Variants in KCNU1 observed in about 807,000 individuals in gnomAD.
KCNU1 encodes potassium calcium-activated channel subfamily U member 1.
Under a neutral mutation model 126.8 loss-of-function variants are expected in KCNU1, and 93 were observed. That is an observed-to-expected ratio of 0.73 (90% CI 0.62 to 0.87). KCNU1 has a LOEUF of 0.87. Ranked by LOEUF, KCNU1 falls within the 40% of genes least tolerant of loss-of-function variation. KCNU1 has a pLI of 0.00. For synonymous variants in KCNU1, 523 were observed against 494.2 expected (o/e 1.06, Z -0.77); for missense variants, 1,330 against 1,367.1 (o/e 0.97, Z 0.43).
chr8:36,808,925 C>T, intron 7 of KCNU1, 132 bp downstream of exon 7: 2 of 626,428 alleles, frequency 3.2e-6, no homozygotes, highest in Admixed American at 5.9e-5. Context: ...TTCTACTTCC[C>T]ATTTTCAGGT....
rs202006761 is a variant in KCNU1, at chr8:36,922,600, G to A, written c.2707G>A (p.Gly903Ser). 4.8e-5 allele frequency: 78 copies of A among 1,613,086 alleles called. No individual in the cohort carries two copies. Among genetic ancestry groups the A allele is most frequent in the East Asian group, 2.9e-4 (13 of 44,812 alleles). ...CTTTTCTACGGGCACTGTTTTTTCC[G>A]GCAGCTTCTTGGATTCTCTGCTGGC... ...TAFSTGTVFS[G>S]SFLDSLLATA... Residue 903 changes from glycine (G) to serine (S), a missense_variant, in exon 24 of 27, where the codon GGC becomes AGC. Gly to Ser is a moderately conservative substitution (Grantham distance 56, BLOSUM62 0). Around this residue, in one of 3 missense-constraint regions of KCNU1, gnomAD observed 1,054 missense variants for 1,053.9 expected, o/e 1.00. Coordinates refer to ENST00000399881, the MANE Select transcript of KCNU1 (RefSeq NM_001031836.3).
At chr8:36,814,493 C>A in intron 8 of KCNU1, 116 bp downstream of exon 8, 1 of 739,894 alleles carries the variant, frequency 1.4e-6, no homozygotes, top group South Asian at 1.8e-5. Flanking sequence ...ACTTGGGGCA[C>A]ATGTCAAGGG....
intron 10 of KCNU1, among the ~76,000 whole-genome samples, chr8:36,828,540 T>C (rs530132382): frequency 1.7e-4 from 26 of 152,250 alleles, no homozygotes; most frequent in African/African-American, 6.0e-4. Flanking sequence ...TGGGGCTTTA[T>C]TCAGTTTATA....
chr8:36,889,416 G>C (rs1401868187), intron 19 of KCNU1: 2 of 339,258 alleles, frequency 5.9e-6, no homozygotes, highest in African/African-American at 4.3e-5. Flanking sequence ...ATGTCATCTT[G>C]AGCTTTTTAA....
chr8:36,872,451 G>A (rs937300064), intron 19 of KCNU1, among the ~76,000 whole-genome samples: 1 of 152,138 alleles, frequency 6.6e-6, no homozygotes. Flanking sequence ...TATGGTGGGG[G>A]CTCCAGCAGT....
intron 10 of KCNU1, among the ~76,000 whole-genome samples, chr8:36,821,848 C>G (rs928679521): frequency 6.6e-6 from 1 of 151,990 alleles, no homozygotes; most frequent in Admixed American, 6.6e-5. Context: ...TATAAATAGG[C>G]TTTGTGTTAG....
At chr8:36,932,787 G>GCCAC (rs1308505323) in intron 25 of KCNU1, 133 bp from the exon 26 acceptor site, 2 of 622,192 alleles carry the variant, frequency 3.2e-6, no homozygotes, top group Non-Finnish European at 5.8e-6. Context: ...CCCTGGCAGT[G>GCCAC]CCACCACAAA....
chr8:36,831,303 T>A (rs1329866533), intron 10 of KCNU1, among the ~76,000 whole-genome samples: 7 of 152,112 alleles, frequency 4.6e-5, no homozygotes, highest in Admixed American at 3.9e-4. Context: ...CAAGTGGTAT[T>A]TCTAGTTCTA....
At chr8:36,926,259 A>G (rs1808528394) in intron 24 of KCNU1, among the ~76,000 whole-genome samples, 1 of 152,142 alleles carries the variant, frequency 6.6e-6, no homozygotes, top group South Asian at 2.1e-4. Flanking sequence ...ATGTGATCCT[A>G]GAGTCATTCC....
chr8:36,813,878 C>T (rs539371781), intron 7 of KCNU1, among the ~76,000 whole-genome samples: 4 of 151,978 alleles, frequency 2.6e-5, no homozygotes, highest in Admixed American at 6.6e-5. Context: ...CTTTGGAGTA[C>T]CCTGGCTCCA....
intron 18 of KCNU1, among the ~76,000 whole-genome samples, chr8:36,848,570 T>C (rs905376432): frequency 2.0e-5 from 3 of 152,202 alleles, no homozygotes; most frequent in East Asian, 1.9e-4. Context: ...TGGCACTTCA[T>C]TGGCCTAACG....
intron 19 of KCNU1, among the ~76,000 whole-genome samples, chr8:36,884,775 G>C (rs903320277): frequency 6.6e-6 from 1 of 150,918 alleles, no homozygotes; most frequent in African/African-American, 2.4e-5. Flanking sequence ...ATAAAAACCA[G>C]GAAAAAAAAA....
At chr8:36,905,850 C>T (rs752223225) in intron 20 of KCNU1, 46 bp downstream of exon 20, 6 of 899,232 alleles carry the variant, frequency 6.7e-6, no homozygotes, top group African/African-American at 5.1e-5. Context: ...TAAAGCATTT[C>T]GTAGGGTAAG....
At chr8:36,850,294 A>G (rs1805294035) in intron 18 of KCNU1, among the ~76,000 whole-genome samples, 1 of 152,082 alleles carries the variant, frequency 6.6e-6, no homozygotes, top group Non-Finnish European at 1.5e-5. Context: ...TTGAATCACA[A>G]AATTGTTTAG....
intron 22 of KCNU1, among the ~76,000 whole-genome samples, chr8:36,918,596 C>A (rs972113919): frequency 6.6e-6 from 1 of 151,518 alleles, no homozygotes; most frequent in Non-Finnish European, 1.5e-5. Flanking sequence ...AAGACCCCCC[C>A]ACCACACACA....
intron 3 of KCNU1, 52 bp from the exon 4 acceptor site, chr8:36,805,143 A>C: frequency 6.0e-6 from 8 of 1,335,306 alleles, no homozygotes; most frequent in South Asian, 1.2e-5. Context: ...TCTTATATAG[A>C]CACCACTTTA....
intron 1 of KCNU1, among the ~76,000 whole-genome samples, chr8:36,785,149 T>G (rs1357754523): frequency 6.6e-6 from 1 of 152,220 alleles, no homozygotes; most frequent in Non-Finnish European, 1.5e-5. Flanking sequence ...AGGACATTTC[T>G]TATACCCAAA....
At chr8:36,800,551 T>A (rs2130386531) in intron 2 of KCNU1, among the ~76,000 whole-genome samples, 1 of 152,334 alleles carries the variant, frequency 6.6e-6, no homozygotes, top group African/African-American at 2.4e-5. Flanking sequence ...GTGCTCAGCC[T>A]CAGGGTGTCT....
intron 16 of KCNU1, among the ~76,000 whole-genome samples, chr8:36,845,330 C>T (rs887180484): frequency 1.3e-5 from 2 of 152,142 alleles, no homozygotes; most frequent in South Asian, 2.1e-4. Flanking sequence ...GAGGCTTTGC[C>T]GCAGGTCCGC....
Sources: allele counts gnomAD v4.1 joint callset (sites outside exome capture counted in the v4.1 genomes callset), GRCh38; gene constraint gnomAD v4.1.1; regional missense constraint gnomAD v4.1.1; transcripts MANE v1.5; gene names NCBI Gene and HGNC (gene_info 2026-07-23, HGNC 2026-07-21).